Variants in CNTLN observed in about 807,000 individuals in gnomAD.
CNTLN encodes the protein centlein, centrosomal protein.
CNTLN carries 212 observed loss-of-function variants against 180.0 expected under a neutral mutation model. The ratio of observed to expected loss-of-function variants is 1.18; its 90% CI spans 1.05 to 1.32. The LOEUF is 1.32. Ranked by LOEUF, CNTLN falls within the 40% of genes most tolerant of loss-of-function variation. The probability of loss-of-function intolerance (pLI) is 0.00; values close to 1 mark genes in which losing one functional copy is unlikely to be tolerated. For synonymous variants in CNTLN, 722 were observed against 563.1 expected (o/e 1.28, Z -3.99); for missense variants, 2,095 against 1,610.9 (o/e 1.30, Z -5.14).
intron 8 of CNTLN, among the ~76,000 whole-genome samples, chr9:17,317,741 C>G (rs534637278): frequency 6.6e-6 from 1 of 152,222 alleles, no homozygotes; most frequent in East Asian, 1.9e-4. Context: ...GAAGAGCATT[C>G]TAAACAGAGA....
chr9:17,302,085 T>C (rs1169653721), intron 7 of CNTLN: 4 of 964,646 alleles, frequency 4.1e-6, no homozygotes, highest in Non-Finnish European at 4.9e-6. Context: ...ACTACACATA[T>C]GTGTACACAC....
At chr9:17,325,785 C>CT (rs932779764) in intron 8 of CNTLN, among the ~76,000 whole-genome samples, 1 of 151,960 alleles carries the variant, frequency 6.6e-6, no homozygotes, top group African/African-American at 2.4e-5. Flanking sequence ...GAACTAAACA[C>CT]TTTTTTGCTA....
chr9:17,268,953 T>C (rs1027227038), intron 5 of CNTLN, among the ~76,000 whole-genome samples: 1 of 151,962 alleles, frequency 6.6e-6, no homozygotes, highest in African/African-American at 2.4e-5. Flanking sequence ...TTTCTTTGAC[T>C]AGGAAAGGGA....
chr9:17,257,536 C>G (rs917069711), intron 5 of CNTLN, among the ~76,000 whole-genome samples: 11 of 151,362 alleles, frequency 7.3e-5, no homozygotes, highest in African/African-American at 2.7e-4. Context: ...GTTCTAGATC[C>G]CTGAGGAATC....
At chr9:17,266,878 T>G (rs895934824) in intron 5 of CNTLN, among the ~76,000 whole-genome samples, 5 of 152,184 alleles carry the variant, frequency 3.3e-5, no homozygotes, top group Admixed American at 6.5e-5. Flanking sequence ...TTTTTTTGTT[T>G]TCCATTTGCT....
At chr9:17,257,292 C>A (rs1826578015) in intron 5 of CNTLN, among the ~76,000 whole-genome samples, 1 of 152,108 alleles carries the variant, frequency 6.6e-6, no homozygotes, top group Non-Finnish European at 1.5e-5. Flanking sequence ...CATGTCCCTA[C>A]AAAGGACATG....
At chr9:17,192,283 G>C (rs1821837900) in intron 2 of CNTLN, among the ~76,000 whole-genome samples, 1 of 135,036 alleles carries the variant, frequency 7.4e-6, no homozygotes, top group Non-Finnish European at 1.6e-5. Context: ...CTGTCACCCA[G>C]GCCAGAGTTC....
At chr9:17,352,518 A>T (rs772575537) in intron 12 of CNTLN, among the ~76,000 whole-genome samples, 57 of 151,608 alleles carry the variant, frequency 3.8e-4, no homozygotes, top group Non-Finnish European at 6.8e-4. Context: ...ATGATGACAT[A>T]TTTTGAAAAC....
intron 13 of CNTLN, among the ~76,000 whole-genome samples, chr9:17,373,131 G>A (rs1824464820): frequency 6.6e-6 from 1 of 152,082 alleles, no homozygotes; most frequent in Non-Finnish European, 1.5e-5. Flanking sequence ...GTCCTAGTTA[G>A]GGCAGTCACA....
intron 5 of CNTLN, among the ~76,000 whole-genome samples, chr9:17,265,554 C>G (rs1262855351): frequency 6.6e-6 from 1 of 152,066 alleles, no homozygotes; most frequent in East Asian, 1.9e-4. Flanking sequence ...ATGCTGGCCT[C>G]ATAAAATGAG....
At chr9:17,252,792 T>C (rs1469964381) in intron 5 of CNTLN, among the ~76,000 whole-genome samples, 1 of 151,840 alleles carries the variant, frequency 6.6e-6, no homozygotes, top group Non-Finnish European at 1.5e-5. Flanking sequence ...TCTCTATTTT[T>C]ATTTTTGTTG....
intron 7 of CNTLN, chr9:17,300,169 C>G (rs1015743781): frequency 6.6e-6 from 1 of 152,188 alleles, no homozygotes; most frequent in Non-Finnish European, 1.5e-5. Flanking sequence ...ATTACATTTA[C>G]TGGCTGAGCA....
intron 2 of CNTLN, among the ~76,000 whole-genome samples, chr9:17,224,556 T>A (rs1352720358): frequency 1.3e-5 from 2 of 152,022 alleles, no homozygotes; most frequent in East Asian, 3.9e-4. Context: ...AATCTCACTA[T>A]TTTCCTGTGT....
intron 5 of CNTLN, among the ~76,000 whole-genome samples, chr9:17,264,638 A>G (rs1032667759): frequency 2.0e-5 from 3 of 152,188 alleles, no homozygotes; most frequent in Non-Finnish European, 4.4e-5. Flanking sequence ...CTTGGGCAGT[A>G]TGGCCATTTT....
intron 2 of CNTLN, among the ~76,000 whole-genome samples, chr9:17,175,526 A>T (rs745687876): frequency 6.6e-6 from 1 of 152,172 alleles, no homozygotes; most frequent in Non-Finnish European, 1.5e-5. Context: ...TGTCAATACC[A>T]TACCATCTTG....
intron 18 of CNTLN, among the ~76,000 whole-genome samples, chr9:17,426,931 A>T (rs1829122190): frequency 6.6e-6 from 1 of 152,150 alleles, no homozygotes; most frequent in South Asian, 2.1e-4. Flanking sequence ...TTCAGATTTC[A>T]ACCCACATGA....
intron 5 of CNTLN, among the ~76,000 whole-genome samples, chr9:17,251,154 T>C (rs912504393): frequency 6.6e-6 from 1 of 152,072 alleles, no homozygotes; most frequent in Admixed American, 6.6e-5. Flanking sequence ...GAGTCACTTC[T>C]TTCTTGCTAC....
intron 25 of CNTLN, among the ~76,000 whole-genome samples, chr9:17,489,325 G>A (rs937262415): frequency 2.0e-5 from 3 of 152,040 alleles, no homozygotes; most frequent in African/African-American, 7.2e-5. Flanking sequence ...TGCTCATTGG[G>A]TATGAGCTTA....
chr9:17,274,056 A>G (rs146968443), intron 6 of CNTLN, among the ~76,000 whole-genome samples, 190 bp downstream of exon 6: 2 of 152,214 alleles, frequency 1.3e-5, no homozygotes, highest in Non-Finnish European at 2.9e-5. Context: ...GAGTGGGTCT[A>G]CAGGATTGGA....
Sources: allele counts gnomAD v4.1 joint callset (sites outside exome capture counted in the v4.1 genomes callset), GRCh38; gene constraint gnomAD v4.1.1; transcripts MANE v1.5; gene names NCBI Gene and HGNC (gene_info 2026-07-23, HGNC 2026-07-21).